SULF1: variants seen among roughly 807,000 people sequenced by gnomAD.
SULF1 encodes the protein extracellular sulfatase Sulf-1.
A neutral mutation model predicts 110.5 loss-of-function variants in SULF1; 46 were observed. That is an observed-to-expected ratio of 0.42 (90% confidence interval 0.33 to 0.53). The LOEUF (loss-of-function observed/expected upper bound fraction) is 0.53, where lower values mean the gene tolerates loss of function less well. SULF1 is among the 20% of genes least tolerant of loss of function. SULF1 has a pLI of 0.12. For synonymous variants in SULF1, 371 were observed against 387.1 expected (o/e 0.96, Z 0.49); for missense variants, 941 against 1,094.2 (o/e 0.86, Z 1.98).
intron 1 of SULF1, among the ~76,000 whole-genome samples, chr8:69,478,458 C>T (rs1809392218): frequency 6.6e-6 from 1 of 152,140 alleles, no homozygotes; most frequent in South Asian, 2.1e-4. Context: ...ACTTTCTGCT[C>T]TTTCCTAAAG....
chr8:69,528,626 A>G (rs554277483), intron 3 of SULF1, among the ~76,000 whole-genome samples: 1 of 152,300 alleles, frequency 6.6e-6, no homozygotes, highest in South Asian at 2.1e-4. Context: ...TACAACTCTT[A>G]GAAGAAAGGG....
intron 14 of SULF1, among the ~76,000 whole-genome samples, chr8:69,623,668 C>A (rs1387345185): frequency 6.6e-6 from 1 of 152,132 alleles, no homozygotes; most frequent in African/African-American, 2.4e-5. Flanking sequence ...CTGGACTAAC[C>A]CCCTCACTTG....
intron 8 of SULF1, among the ~76,000 whole-genome samples, chr8:69,598,750 C>T (rs1716064839): frequency 6.6e-6 from 1 of 152,136 alleles, no homozygotes; most frequent in African/African-American, 2.4e-5. Context: ...CACATTTGAG[C>T]CACACCCTCT....
intron 3 of SULF1, among the ~76,000 whole-genome samples, chr8:69,533,809 T>C (rs1448692996): frequency 6.6e-6 from 1 of 152,220 alleles, no homozygotes; most frequent in East Asian, 1.9e-4. Flanking sequence ...TTTCTGGTTC[T>C]AGAACTCTGA....
rs542445094 is a variant in SULF1, at chr8:69,636,330, A to T, written c.2285-2172A>T. Among the ~76,000 whole-genome samples, 4 of 152,210 alleles carry T rather than the reference A, an allele frequency of 2.6e-5. No homozygotes were observed. In the East Asian group the frequency reaches 5.8e-4, roughly 22 times the overall value. On this transcript the variant is annotated intron_variant, in intron 19 of 22. Coordinates refer to ENST00000402687, the MANE Select transcript of SULF1 (RefSeq NM_001128205.2). ...GATGGGCAGATCACGAGGTCAGGAG[A>T]TCAAGACCATCCTGGCTAACACGGT...
chr8:69,629,862 T>A (rs1247483916), intron 19 of SULF1, among the ~76,000 whole-genome samples, 183 bp downstream of exon 19: 1 of 152,248 alleles, frequency 6.6e-6, no homozygotes. Context: ...TTAAATTTTT[T>A]CTGGCATTTT....
chr8:69,575,223 A>C (rs1189790570), intron 5 of SULF1, among the ~76,000 whole-genome samples: 1 of 149,806 alleles, frequency 6.7e-6, no homozygotes, highest in Non-Finnish European at 1.5e-5. Flanking sequence ...TTCCTTCCTC[A>C]GCAATCTTAC....
upstream of SULF1, among the ~76,000 whole-genome samples, chr8:69,488,289 G>T (rs1392482314): frequency 1.3e-5 from 2 of 152,144 alleles, no homozygotes; most frequent in African/African-American, 4.8e-5. Flanking sequence ...TGCTACCTTT[G>T]ACTGAAATAA....
intron 3 of SULF1, among the ~76,000 whole-genome samples, chr8:69,542,388 G>A (rs1424828988): frequency 6.6e-6 from 1 of 151,706 alleles, no homozygotes; most frequent in Non-Finnish European, 1.5e-5. Flanking sequence ...AAACTGCTTT[G>A]CATCAAGTGC....
chr8:69,627,413 A>T, intron 16 of SULF1, 107 bp downstream of exon 16: 1 of 723,350 alleles, frequency 1.4e-6, no homozygotes, highest in Non-Finnish European at 2.2e-6. Context: ...ATCTATAATT[A>T]TGTGAAAAAA....
intron 8 of SULF1, among the ~76,000 whole-genome samples, chr8:69,593,457 C>T (rs1315502137): frequency 1.3e-5 from 2 of 152,300 alleles, no homozygotes; most frequent in South Asian, 2.1e-4. Context: ...CGGTCATCTT[C>T]CTTGGTGGTC....
At chr8:69,538,740 T>C (rs1813643340) in intron 3 of SULF1, among the ~76,000 whole-genome samples, 1 of 152,184 alleles carries the variant, frequency 6.6e-6, no homozygotes, top group Admixed American at 6.5e-5. Flanking sequence ...TCACCCAGGC[T>C]GAAGTGCAAT....
At chr8:69,557,476 A>G (rs1002770014) in intron 3 of SULF1, among the ~76,000 whole-genome samples, 3 of 152,138 alleles carry the variant, frequency 2.0e-5, no homozygotes, top group African/African-American at 7.2e-5. Flanking sequence ...ACCTGCTTTT[A>G]TGAGGCAGAG....
At chr8:69,573,984 T>C (rs2150740387) in intron 5 of SULF1, among the ~76,000 whole-genome samples, 1 of 152,268 alleles carries the variant, frequency 6.6e-6, no homozygotes, top group African/African-American at 2.4e-5. Context: ...GGCATAGTCG[T>C]CCGAGTTCTT....
rs548650908 is a variant in SULF1 at position 69,656,044 on chromosome 8, C to A, written c.2586-2461C>A. On this transcript the variant is annotated intron_variant, in intron 22 of 22. Transcript: ENST00000402687. ...GAAGAAGAGCTGATGCGCACAGTAT[C>A]CCCTGCATTCTTGTGTGTTTCAAAC... is the stretch of plus-strand genomic sequence containing the variant. Among the ~76,000 whole-genome samples the A allele has an allele frequency of 5.8e-4, 88 of 152,310 alleles. 1 individual carries two copies. Among genetic ancestry groups the A allele is most frequent in the African/African-American group, 1.6e-3 (65 of 41,552 alleles).
chr8:69,529,599 G>T (rs12680331), intron 3 of SULF1, among the ~76,000 whole-genome samples: 10,613 of 152,216 alleles, frequency 0.07, 822 homozygotes, highest in East Asian at 0.41. Flanking sequence ...CTTTTATGAG[G>T]TTGCAGCCTA....
intron 3 of SULF1, among the ~76,000 whole-genome samples, chr8:69,555,713 A>G (rs1815068542): frequency 6.6e-6 from 1 of 152,148 alleles, no homozygotes; most frequent in Non-Finnish European, 1.5e-5. Context: ...TTATATAGTA[A>G]AGTCAGGTGT....
At chr8:69,550,894 C>T (rs964599124) in intron 3 of SULF1, among the ~76,000 whole-genome samples, 2 of 152,124 alleles carry the variant, frequency 1.3e-5, no homozygotes, top group Non-Finnish European at 2.9e-5. Context: ...TTTGTGTGGC[C>T]GCATCCCTTT....
chr8:69,645,986 G>T (rs1811880298), intron 22 of SULF1, among the ~76,000 whole-genome samples: 1 of 152,010 alleles, frequency 6.6e-6, no homozygotes, highest in Non-Finnish European at 1.5e-5. Flanking sequence ...TAAAACAGTT[G>T]TATTTAAAAC....
Sources: allele counts gnomAD v4.1 joint callset (sites outside exome capture counted in the v4.1 genomes callset), GRCh38; gene constraint gnomAD v4.1.1; transcripts MANE v1.5; gene names NCBI Gene and HGNC (gene_info 2026-07-23, HGNC 2026-07-21).